Variants in NEK7 observed in about 807,000 individuals in gnomAD.
The protein encoded by NEK7 is NIMA related kinase 7.
A neutral mutation model predicts 44.6 loss-of-function variants in NEK7; 18 were observed. The observed-to-expected ratio is 0.40, with a 90% CI of 0.28 to 0.60. The LOEUF (loss-of-function observed/expected upper bound fraction) is 0.60, where lower values mean the gene tolerates loss of function less well. NEK7 is among the 20% of genes least tolerant of loss of function. The pLI, the probability that NEK7 is intolerant of heterozygous loss-of-function variation, is 0.38. For synonymous variants in NEK7, 130 were observed against 121.1 expected (o/e 1.07, Z -0.48); for missense variants, 256 against 366.5 (o/e 0.70, Z 2.46).
intron 1 of NEK7, among the ~76,000 whole-genome samples, chr1:198,167,069 G>A (rs1258889596): frequency 1.3e-5 from 2 of 152,298 alleles, no homozygotes; most frequent in Admixed American, 6.5e-5. Flanking sequence ...TGACAGTGCC[G>A]TGTTCTCTCT....
At chr1:198,266,415 C>T (rs1653656802) in intron 5 of NEK7, among the ~76,000 whole-genome samples, 1 of 151,914 alleles carries the variant, frequency 6.6e-6, no homozygotes, top group Non-Finnish European at 1.5e-5. Context: ...TACTATGTGC[C>T]AGGTGCATGG....
intron 1 of NEK7, chr1:198,206,950 A>T (rs1193928155): frequency 6.6e-6 from 1 of 152,140 alleles, no homozygotes; most frequent in Non-Finnish European, 1.5e-5. Context: ...TTCAGCATAC[A>T]ATTTAAGATT....
intron 2 of NEK7, among the ~76,000 whole-genome samples, chr1:198,233,706 A>T (rs1666464901): frequency 6.8e-6 from 1 of 147,130 alleles, no homozygotes; most frequent in Non-Finnish European, 1.5e-5. Context: ...AGAGTGGTAT[A>T]GGCTGTAGTG....
At chr1:198,307,917 T>C (rs927382499) in intron 9 of NEK7, among the ~76,000 whole-genome samples, 1 of 152,038 alleles carries the variant, frequency 6.6e-6, no homozygotes, top group Non-Finnish European at 1.5e-5. Context: ...TAGGTAAAAG[T>C]AAAAGTAAAC....
chr1:198,314,119 G>A (rs1259616772), intron 9 of NEK7, among the ~76,000 whole-genome samples: 8 of 152,086 alleles, frequency 5.3e-5, no homozygotes, highest in Non-Finnish European at 1.2e-4. Context: ...TTTCTTGGAG[G>A]CTTTGCTCGT....
At chr1:198,231,849 G>C (rs1054083983) in intron 1 of NEK7, among the ~76,000 whole-genome samples, 2 of 151,990 alleles carry the variant, frequency 1.3e-5, no homozygotes, top group African/African-American at 4.8e-5. Context: ...CTAGTTTTTT[G>C]AGTCTTAGAT....
intron 5 of NEK7, among the ~76,000 whole-genome samples, chr1:198,267,330 G>C (rs1033966643): frequency 9.9e-5 from 15 of 152,056 alleles, no homozygotes; most frequent in African/African-American, 3.4e-4. Context: ...CAGTGGGGAA[G>C]TCAAATAAAA....
At chr1:198,240,945 G>A (rs577166029) in intron 2 of NEK7, among the ~76,000 whole-genome samples, 42 of 152,206 alleles carry the variant, frequency 2.8e-4, no homozygotes, top group Non-Finnish European at 5.7e-4. Flanking sequence ...CACCCGCCTT[G>A]GCCTCCCAAA....
At chr1:198,311,234 CTGTT>C (rs1345179126) in intron 9 of NEK7, among the ~76,000 whole-genome samples, 11 of 145,890 alleles carry the variant, frequency 7.5e-5, no homozygotes, top group Admixed American at 1.4e-4. Context: ...ATTTGGCTCT[CTGTT>C]TGTCTGTTGT....
At chr1:198,220,979 G>C (rs1255564282) in intron 1 of NEK7, 1 of 151,936 alleles carries the variant, frequency 6.6e-6, no homozygotes, top group Non-Finnish European at 1.5e-5. Context: ...CTTGAAGATT[G>C]AAAAGACACT....
At chr1:198,270,102 A>G (rs963043781) in intron 5 of NEK7, among the ~76,000 whole-genome samples, 3 of 152,016 alleles carry the variant, frequency 2.0e-5, no homozygotes, top group Non-Finnish European at 4.4e-5. Context: ...GACCCAGTGT[A>G]GAGGAAATTA....
At position 198,232,565 on chromosome 1, in the gene NEK7, C is replaced by T; in HGVS notation, c.-16C>T. 6.4e-7 allele frequency: 1 copy of T among 1,568,682 alleles called. No homozygotes were observed. The highest frequency in any genetic ancestry group is 8.8e-7 in the Non-Finnish European group (1 of 1,139,310). Reference sequence around the variant, plus strand: ...TACATTTTTGCAGAGTTCTAAAGTTCCTGTTGCTTCAGACAATGGATGAGC... The same window carrying T: ...TACATTTTTGCAGAGTTCTAAAGTTTCTGTTGCTTCAGACAATGGATGAGC... On this transcript the variant is annotated 5_prime_UTR_variant, in exon 2 of 10. Coordinates refer to ENST00000367385, the MANE Select transcript of NEK7 (RefSeq NM_133494.3).
chr1:198,272,333 T>C (rs78145803), intron 5 of NEK7, among the ~76,000 whole-genome samples: 1 of 152,006 alleles, frequency 6.6e-6, no homozygotes, highest in African/African-American at 2.4e-5. Flanking sequence ...TTGTAAACCA[T>C]GTAATACCAT....
intron 1 of NEK7, among the ~76,000 whole-genome samples, chr1:198,223,123 T>C (rs1241585870): frequency 7.3e-6 from 1 of 136,354 alleles, no homozygotes; most frequent in Non-Finnish European, 1.5e-5. Context: ...AGAATTCTAC[T>C]GTGTTTCAGA....
intron 5 of NEK7, among the ~76,000 whole-genome samples, chr1:198,272,109 C>T (rs774646899): frequency 4.0e-5 from 6 of 151,218 alleles, no homozygotes; most frequent in Non-Finnish European, 7.4e-5. Context: ...TTCCTTGATA[C>T]TTAAGTAGTT....
At position 198,317,993 on chromosome 1, in the gene NEK7, G is replaced by A. The variant is rs149709468; in HGVS notation, c.799-1419G>A. ...TTGTGTATTGCTGTACCCCTTAAGG[G>A]TTTTAAATGCTGTTCTCTGCTCTTT... On this transcript the variant is annotated intron_variant, in intron 9 of 9. Coordinates refer to ENST00000367385, the MANE Select transcript of NEK7 (RefSeq NM_133494.3). Among the ~76,000 whole-genome samples the A allele has an allele frequency of 3.9e-3, 567 of 146,770 alleles. 7 individuals are homozygous for A. In the East Asian group the frequency reaches 0.075, roughly 19 times the overall value.
intron 3 of NEK7, chr1:198,256,317 T>C (rs765464450): frequency 6.3e-7 from 1 of 1,597,014 alleles, no homozygotes; most frequent in Non-Finnish European, 8.5e-7. Flanking sequence ...GCTCTGGCCA[T>C]TTTCCTGCAG....
chr1:198,293,563 C>T (rs2103008686), intron 8 of NEK7, among the ~76,000 whole-genome samples: 1 of 151,912 alleles, frequency 6.6e-6, no homozygotes, highest in African/African-American at 2.4e-5. Context: ...CTCTTTTGTT[C>T]TACTGGTGAT....
At chr1:198,283,222 A>T (rs578212035) in intron 7 of NEK7, among the ~76,000 whole-genome samples, 88 of 152,250 alleles carry the variant, frequency 5.8e-4, no homozygotes, top group Non-Finnish European at 1.1e-3. Context: ...AAATATAATG[A>T]GAGCGATGTG....
Sources: allele counts gnomAD v4.1 joint callset (sites outside exome capture counted in the v4.1 genomes callset), GRCh38; gene constraint gnomAD v4.1.1; transcripts MANE v1.5; gene names NCBI Gene and HGNC (gene_info 2026-07-23, HGNC 2026-07-21).